The following EPB41L1 variants were observed in gnomAD, a reference collection of about 807,000 sequenced individuals.
EPB41L1 encodes erythrocyte membrane protein band 4.1 like 1, also known as band 4.1-like protein 1.
In EPB41L1, 29 loss-of-function variants were observed where a neutral mutation model predicts 97.8. That is an observed-to-expected ratio of 0.30 (90% CI 0.22 to 0.40). The LOEUF is 0.40. EPB41L1 is among the 10% of genes least tolerant of loss of function. The pLI is 1.00. For synonymous variants in EPB41L1, 383 were observed against 459.2 expected, an observed-to-expected ratio of 0.83 and a Z score of 2.12; for missense variants, 812 against 1,162.3, an observed-to-expected ratio of 0.70 and a Z score of 4.38.
At chr20:36,182,153 T>C in intron 5 of EPB41L1, 119 bp from the exon 6 acceptor site, 2 of 873,956 alleles carry the variant, frequency 2.3e-6, no homozygotes, top group South Asian at 1.4e-5. Flanking sequence ...GCCTTCCTGA[T>C]TGGATTGTCC....
Position 36,207,767 on chromosome 20 carries a change from C to T in EPB41L1, c.1669-1721C>T. ...GGCTGTGAAACCACGCTGGCAGAAG[C>T]TACTGGAACTGGGGTAACTGGCCGC... On this transcript the variant is annotated intron_variant, in intron 14 of 21. Coordinates refer to ENST00000338074, the MANE Select transcript of EPB41L1 (RefSeq NM_012156.2). This position sits in a 1 kb window ranked among gnomAD's most constrained non-coding sequence, Gnocchi z 4.9. 1.6e-6 allele frequency: 2 copies of T among 1,289,346 alleles called. No individual in the cohort carries two copies. The highest frequency in any genetic ancestry group is 2.0e-6 in the Non-Finnish European group (2 of 988,482). The allele number at this position is 1,289,346 out of a possible 1,614,324, so 79.9% of individuals were successfully genotyped here.
upstream of EPB41L1, chr20:36,153,058 A>G: frequency 4.4e-6 from 2 of 456,716 alleles, no homozygotes; most frequent in Non-Finnish European, 8.8e-6. Context: ...AGGGGGAGTG[A>G]AGGCACCGGA....
At chr20:36,157,049 C>T (rs985694977) in intron 1 of EPB41L1, among the ~76,000 whole-genome samples, 1 of 152,266 alleles carries the variant, frequency 6.6e-6, no homozygotes, top group South Asian at 2.1e-4. Context: ...CATGGTGAAA[C>T]CCCGTCTCTA....
chr20:36,162,104 G>A (rs2060555799), intron 1 of EPB41L1, among the ~76,000 whole-genome samples: 1 of 152,156 alleles, frequency 6.6e-6, no homozygotes, highest in African/African-American at 2.4e-5. Context: ...GAGGTGCAGG[G>A]GATAGTCTTC....
intron 6 of EPB41L1, among the ~76,000 whole-genome samples, chr20:36,182,574 T>C (rs2146138519): frequency 6.6e-6 from 1 of 152,264 alleles, no homozygotes; most frequent in East Asian, 1.9e-4. Flanking sequence ...GGAGGAGGTA[T>C]CACAGGGAAC....
intron 17 of EPB41L1, among the ~76,000 whole-genome samples, chr20:36,217,332 C>T (rs544827134): frequency 1.6e-4 from 25 of 152,184 alleles, no homozygotes; most frequent in Non-Finnish European, 2.8e-4. Flanking sequence ...GTTGAGTAGC[C>T]GAGGTGGCCC....
intron 1 of EPB41L1, among the ~76,000 whole-genome samples, chr20:36,162,441 C>G (rs11696352): frequency 0.22 from 32,935 of 152,172 alleles, 3,869 homozygotes; most frequent in Middle Eastern, 0.29. Flanking sequence ...GACTTGAGTC[C>G]TAGTCCTGGC....
intron 2 of EPB41L1, among the ~76,000 whole-genome samples, chr20:36,140,001 A>AT (rs1188615865): frequency 6.6e-6 from 1 of 151,544 alleles, no homozygotes; most frequent in Non-Finnish European, 1.5e-5. Context: ...AAGTGCTGGG[A>AT]TTGCAGGCAT....
At position 36,190,201 on chromosome 20, in the gene EPB41L1, T is replaced by TA. The variant is rs201777816; in HGVS notation, c.1027-70dup. 12 of 1,221,082 alleles carry TA rather than the reference T, an allele frequency of 9.8e-6. No individual in the cohort carries two copies. The highest frequency in any genetic ancestry group is 5.6e-5 in the Admixed American group (3 of 53,470). 75.6% of individuals were successfully genotyped at this position (1,221,082 alleles called of 1,614,324 possible). On this transcript the variant is annotated intron_variant, in intron 9 of 21. Coordinates refer to ENST00000338074, the MANE Select transcript of EPB41L1 (RefSeq NM_012156.2). The surrounding 1 kb of genome is among the most constrained non-coding windows in gnomAD (Gnocchi z 5.8). ...TCAAAAAAACATTAAACAAATAAAA[T>TA]AAAAAACACAAAGAATGGGCTAGTG...
intron 11 of EPB41L1, among the ~76,000 whole-genome samples, chr20:36,192,878 G>T (rs2062024897): frequency 6.6e-6 from 1 of 152,186 alleles, no homozygotes; most frequent in Non-Finnish European, 1.5e-5. Flanking sequence ...AACTGGGCAG[G>T]GTTTGGAAGG....
At chr20:36,108,180 A>G (rs1412501364) in intron 1 of EPB41L1, among the ~76,000 whole-genome samples, 1 of 151,746 alleles carries the variant, frequency 6.6e-6, no homozygotes, top group Non-Finnish European at 1.5e-5. Flanking sequence ...AGGTCTTGCT[A>G]TGTTGGCCAG....
intron 2 of EPB41L1, among the ~76,000 whole-genome samples, chr20:36,139,196 G>A (rs2147812808): frequency 6.6e-6 from 1 of 152,342 alleles, no homozygotes; most frequent in Admixed American, 6.5e-5. Context: ...GGCCCGGCTA[G>A]GCCAACGAGG....
chr20:36,103,043 C>T (rs2058067581), intron 1 of EPB41L1, among the ~76,000 whole-genome samples: 1 of 152,218 alleles, frequency 6.6e-6, no homozygotes, highest in African/African-American at 2.4e-5. Context: ...TTTCAAGGCT[C>T]AGCTCAGATG....
rs1229359245 is a variant in EPB41L1, at chr20:36,222,395, G to T, written c.2637+1G>T. 6.2e-7 allele frequency: 1 copy of T among 1,612,060 alleles called. No individual in the cohort carries two copies. The stretch of plus-strand genomic sequence containing the variant: ...AGAGGAGAGGGACAAGAAGCCACAG[G>T]TAAGGCTCCTGAGGCCCAGCAACCA... On this transcript the variant is annotated splice_donor_variant, in intron 21 of 21. Transcript: ENST00000338074. LOFTEE classifies it high-confidence loss of function.
intron 11 of EPB41L1, among the ~76,000 whole-genome samples, 190 bp from the exon 12 acceptor site, chr20:36,194,022 G>A (rs1386732978): frequency 6.6e-6 from 1 of 152,198 alleles, no homozygotes; most frequent in African/African-American, 2.4e-5. Context: ...AAGGAGTCCT[G>A]GGCTGGGAGG....
At chr20:36,215,642 C>T (rs1419014982) in intron 17 of EPB41L1, among the ~76,000 whole-genome samples, 2 of 152,182 alleles carry the variant, frequency 1.3e-5, no homozygotes, top group African/African-American at 4.8e-5. Flanking sequence ...CATTGGGATG[C>T]TTGTAGGGCT....
At chr20:36,191,748 T>C (rs2146368671) in intron 11 of EPB41L1, among the ~76,000 whole-genome samples, 1 of 152,322 alleles carries the variant, frequency 6.6e-6, no homozygotes, top group South Asian at 2.1e-4. Flanking sequence ...TGGGTGACCT[T>C]AAGCAACTTA....
At chr20:36,102,218 G>C (rs1251534939) in intron 1 of EPB41L1, among the ~76,000 whole-genome samples, 2 of 152,088 alleles carry the variant, frequency 1.3e-5, no homozygotes, top group Non-Finnish European at 2.9e-5. Flanking sequence ...GATTGCCCTT[G>C]TAGAAGGCTG....
At chr20:36,105,620 C>A (rs2058165431) in intron 1 of EPB41L1, among the ~76,000 whole-genome samples, 1 of 152,174 alleles carries the variant, frequency 6.6e-6, no homozygotes, top group African/African-American at 2.4e-5. Flanking sequence ...TCCCACATTG[C>A]CAGGGAGTGA....
Sources: gnomAD v4.1 joint callset for allele counts (sites outside exome capture counted in the v4.1 genomes callset) on GRCh38, gnomAD v4.1.1 for gene constraint, Gnocchi (gnomAD v3.1) non-coding constraint, MANE v1.5 for transcripts, NCBI Gene and HGNC (gene_info 2026-07-23, HGNC 2026-07-21) for gene names.